The following PTGER3 variants were observed in gnomAD, a reference collection of about 807,000 sequenced individuals.
The protein encoded by PTGER3 is prostaglandin E receptor 3.
A neutral mutation model predicts 34.7 loss-of-function variants in PTGER3; 22 were observed. The observed-to-expected ratio is 0.63, with a 90% CI of 0.45 to 0.91. The LOEUF is 0.91. Among genes scored for constraint, PTGER3 ranks in the 40% least tolerant of loss-of-function variants. The pLI is 0.00. For synonymous variants in PTGER3, 241 were observed against 230.1 expected, an observed-to-expected ratio of 1.05 and a Z score of -0.43; for missense variants, 468 against 519.4, an observed-to-expected ratio of 0.90 and a Z score of 0.96.
At chr1:70,883,648 TTTTC>T (rs1339263800) in intron 4 of PTGER3, among the ~76,000 whole-genome samples, 1 of 152,224 alleles carries the variant, frequency 6.6e-6, no homozygotes, top group Non-Finnish European at 1.5e-5. Context: ...AAACGTCCAA[TTTTC>T]TTAAATAATT....
At chr1:70,974,461 A>T in intron 2 of PTGER3, 73 bp from the exon 3 acceptor site, 1 of 746,302 alleles carries the variant, frequency 1.3e-6, no homozygotes, top group South Asian at 1.4e-5. Flanking sequence ...CAAAACCTGC[A>T]TATCAAAGTC....
intron 4 of PTGER3, among the ~76,000 whole-genome samples, chr1:70,938,455 A>G (rs1026890163): frequency 2.0e-5 from 3 of 152,212 alleles, no homozygotes; most frequent in African/African-American, 7.2e-5. Flanking sequence ...CTTAAAAAAA[A>G]ACATTTTCCA....
chr1:71,013,843 AG>A (rs1181607453), intron 1 of PTGER3, among the ~76,000 whole-genome samples: 2 of 152,188 alleles, frequency 1.3e-5, no homozygotes, highest in African/African-American at 4.8e-5. Context: ...TGTTCATAAT[AG>A]CAAAAAAAGC....
chr1:70,992,746 C>T (rs1014637985), intron 2 of PTGER3, among the ~76,000 whole-genome samples: 4 of 152,140 alleles, frequency 2.6e-5, no homozygotes, highest in African/African-American at 4.8e-5. Flanking sequence ...CTTTAGGGCT[C>T]AACCAAATAA....
At chr1:71,027,611 C>T (rs753652297) in intron 1 of PTGER3, among the ~76,000 whole-genome samples, 7 of 152,062 alleles carry the variant, frequency 4.6e-5, no homozygotes, top group Non-Finnish European at 1.0e-4. Context: ...TTGACATAGT[C>T]CCCCCGGTTA....
At chr1:70,954,847 A>AT (rs995913357) in intron 2 of PTGER3, among the ~76,000 whole-genome samples, 2 of 152,042 alleles carry the variant, frequency 1.3e-5, no homozygotes, top group Admixed American at 6.6e-5. Context: ...GACCGTTAAA[A>AT]AAAAGAAACT....
At chr1:70,920,265 G>T (rs1339627026) in intron 4 of PTGER3, among the ~76,000 whole-genome samples, 1 of 152,182 alleles carries the variant, frequency 6.6e-6, no homozygotes, top group African/African-American at 2.4e-5. Flanking sequence ...CTCTACTCCA[G>T]ACTAAGCTCA....
chr1:71,034,723 T>A (rs956779788), intron 1 of PTGER3, among the ~76,000 whole-genome samples: 24 of 152,240 alleles, frequency 1.6e-4, no homozygotes, highest in Non-Finnish European at 2.6e-4. Context: ...ATTTTTCTAA[T>A]ACAAAGAACA....
intron 2 of PTGER3, chr1:71,005,732 G>T: frequency 2.8e-6 from 1 of 354,498 alleles, no homozygotes; most frequent in Non-Finnish European, 3.9e-6. Context: ...CAAGCACACT[G>T]GCCCCAAGGA....
At chr1:70,986,042 G>A (rs1443141031) in intron 2 of PTGER3, among the ~76,000 whole-genome samples, 1 of 152,024 alleles carries the variant, frequency 6.6e-6, no homozygotes, top group Non-Finnish European at 1.5e-5. Flanking sequence ...AAAGAAGCTG[G>A]CCAAAACCCA....
At chr1:70,929,004 G>T (rs147472891) in intron 4 of PTGER3, among the ~76,000 whole-genome samples, 1 of 151,896 alleles carries the variant, frequency 6.6e-6, no homozygotes, top group Non-Finnish European at 1.5e-5. Context: ...TTGTTATTTT[G>T]AACTAAGTCC....
chr1:70,973,093 T>C lies in PTGER3; in HGVS notation c.1169+1204A>G, dbSNP rs572648928. On this transcript the variant is annotated intron_variant, in intron 3 of 3. Coordinates refer to ENST00000306666, the MANE Select transcript of PTGER3 (RefSeq NM_198719.2). ...CATTGGTTTTCTAGGGAAATCTGTA[T>C]TAACAGCAAAACAGTACCCAGTGTG... Among the ~76,000 whole-genome samples, 288 of 151,886 alleles carry C rather than the reference T, an allele frequency of 1.9e-3. 2 individuals carry two copies. Among genetic ancestry groups the C allele is most frequent in the Middle Eastern group, 0.014 (4 of 294 alleles).
intron 1 of PTGER3, among the ~76,000 whole-genome samples, chr1:71,031,901 G>C (rs1315123438): frequency 2.0e-5 from 3 of 152,178 alleles, no homozygotes; most frequent in African/African-American, 7.2e-5. Context: ...AGAAATAGAT[G>C]CTAGAGAAAA....
intron 4 of PTGER3, among the ~76,000 whole-genome samples, chr1:70,941,772 G>A (rs1305497245): frequency 6.6e-6 from 1 of 152,080 alleles, no homozygotes; most frequent in Non-Finnish European, 1.5e-5. Flanking sequence ...ACTCCTACTA[G>A]CACTGCCTTA....
At position 71,046,793 on chromosome 1, in the gene PTGER3, G is replaced by A; in HGVS notation, c.785C>T (p.Ala262Val). 6.2e-7 allele frequency: 1 copy of A among 1,614,078 alleles called. No homozygotes were observed. The highest frequency in any genetic ancestry group is 8.5e-7 in the Non-Finnish European group (1 of 1,180,052). The change falls in exon 1 of 4, where the codon GCC becomes GTC. Residue 262 changes from alanine (A) to valine (V), a missense_variant. Ala to Val is a moderately conservative substitution (Grantham distance 64). This residue lies in a region of PTGER3 where 204 missense variants were observed against 230.8 expected (regional missense o/e 0.88). Transcript: ENST00000306666. The part of the protein sequence containing the change: ...TIKALVSRCR[A>V]KATASQSSAQ... ...ACTGGACTGAGATGCCGTGGCCTTGGCCCGGCAGCGGGACACCAGGGCCTT... is the reference window on the plus strand; with the variant it reads ...ACTGGACTGAGATGCCGTGGCCTTGACCCGGCAGCGGGACACCAGGGCCTT...
At chr1:70,939,556 G>A (rs538221855) in intron 4 of PTGER3, among the ~76,000 whole-genome samples, 2 of 152,212 alleles carry the variant, frequency 1.3e-5, no homozygotes, top group African/African-American at 4.8e-5. Flanking sequence ...CTGGGCATCC[G>A]GGATTTCTGT....
At chr1:71,026,233 G>A (rs1263270350) in intron 1 of PTGER3, among the ~76,000 whole-genome samples, 1 of 152,138 alleles carries the variant, frequency 6.6e-6, no homozygotes, top group Non-Finnish European at 1.5e-5. Flanking sequence ...ACTGTAAATA[G>A]GAACTGAGTA....
chr1:70,895,122 GGAGCAA>G (rs1646698062), intron 4 of PTGER3, among the ~76,000 whole-genome samples: 1 of 152,134 alleles, frequency 6.6e-6, no homozygotes, highest in African/African-American at 2.4e-5. Context: ...CCCAGCACCA[GGAGCAA>G]GAGCATAGCA....
At chr1:70,917,159 T>G (rs1647192184) in intron 4 of PTGER3, among the ~76,000 whole-genome samples, 1 of 151,976 alleles carries the variant, frequency 6.6e-6, no homozygotes, top group African/African-American at 2.4e-5. Flanking sequence ...TTTGTACACA[T>G]TGACCAATCT....
Sources: gnomAD v4.1 joint callset for allele counts (sites outside exome capture counted in the v4.1 genomes callset) on GRCh38, gnomAD v4.1.1 for gene constraint, gnomAD v4.1.1 regional missense constraint, MANE v1.5 for transcripts, NCBI Gene and HGNC (gene_info 2026-07-23, HGNC 2026-07-21) for gene names.